The following ACBD6 variants were observed in gnomAD, a reference collection of about 807,000 sequenced individuals.
ACBD6 encodes acyl-CoA binding domain containing 6.
In ACBD6, 28 loss-of-function variants were observed where a neutral mutation model predicts 37.2. The ratio of observed to expected loss-of-function variants is 0.75; its 90% confidence interval spans 0.56 to 1.03. ACBD6 has a LOEUF of 1.03. ACBD6 is among the 50% of genes least tolerant of loss of function. The pLI is 0.00. For missense variants in ACBD6, 340 were observed against 337.4 expected (o/e 1.01, Z -0.06); for synonymous variants, 113 against 126.8 (o/e 0.89, Z 0.73).
chr1:180,314,663 G>T, intron 7 of ACBD6, 29 bp downstream of exon 7: 1 of 1,492,040 alleles, frequency 6.7e-7, no homozygotes, highest in Non-Finnish European at 9.3e-7. Flanking sequence ...GTTCAAATAT[G>T]ATTACTTAAT....
intron 3 of ACBD6, among the ~76,000 whole-genome samples, chr1:180,433,603 T>A (rs1478179055): frequency 6.6e-6 from 1 of 150,446 alleles, no homozygotes; most frequent in Non-Finnish European, 1.5e-5. Context: ...TGTGTGTGTG[T>A]GTGTGTGTGT....
intron 5 of ACBD6, among the ~76,000 whole-genome samples, chr1:180,409,052 G>A (rs1421003680): frequency 6.6e-6 from 1 of 151,932 alleles, no homozygotes; most frequent in African/African-American, 2.4e-5. Context: ...AGCTACCTGG[G>A]GGCTGAGGTG....
chr1:180,332,000 C>A (rs370197806), intron 6 of ACBD6, among the ~76,000 whole-genome samples: 1 of 152,134 alleles, frequency 6.6e-6, no homozygotes, highest in South Asian at 2.1e-4. Context: ...TTAATTGTGT[C>A]TCCCAAAAAT....
At chr1:180,328,032 T>C (rs780684138) in intron 6 of ACBD6, among the ~76,000 whole-genome samples, 26 of 152,218 alleles carry the variant, frequency 1.7e-4, no homozygotes, top group Non-Finnish European at 3.1e-4. Context: ...AATGAGGTGT[T>C]GACGAAAATA....
At position 180,334,195 on chromosome 1, in the gene ACBD6, C is replaced by T. The variant is rs561713832; in HGVS notation, c.664-19473G>A. Among the ~76,000 whole-genome samples, 400 of 152,356 alleles carry T rather than the reference C, an allele frequency of 2.6e-3. 1 individual carries two copies. Among genetic ancestry groups the T allele is most frequent in the Middle Eastern group, 0.01 (3 of 294 alleles). On this transcript the variant is annotated intron_variant, in intron 6 of 7. Coordinates refer to ENST00000367595, the MANE Select transcript of ACBD6 (RefSeq NM_032360.4). ...GTTCTCCCAGCACATAGCTGGAGAT[C>T]TGAGAACAGACAGACTGCCTCCTCA...
Position 180,409,203 on chromosome 1 carries a change from T to C in ACBD6, c.573+4163A>G, listed in dbSNP as rs1647752036. On this transcript the variant is annotated intron_variant, in intron 5 of 7. Transcript: ENST00000367595. ...GAATAAAATGTAAGAAGGATGCAGG[T>C]AAGAGAGAATTTTTTTGTTTATAAG... Among the ~76,000 whole-genome samples, 9 of 152,204 alleles carry C rather than the reference T, an allele frequency of 5.9e-5. No individual in the cohort carries two copies. In the South Asian group the frequency reaches 1.7e-3, roughly 28 times the overall value.
chr1:180,451,985 C>T (rs924535411), intron 3 of ACBD6, among the ~76,000 whole-genome samples: 3 of 152,114 alleles, frequency 2.0e-5, no homozygotes, highest in African/African-American at 7.2e-5. Flanking sequence ...ATCTGAACAA[C>T]CTGCTCCTGA....
chr1:180,364,859 G>A (rs1181947231), intron 6 of ACBD6, among the ~76,000 whole-genome samples: 3 of 150,814 alleles, frequency 2.0e-5, no homozygotes, highest in Non-Finnish European at 4.4e-5. Context: ...TCAGCCTCCC[G>A]AGTAGCTGGG....
At chr1:180,351,093 C>G (rs1375552092) in intron 6 of ACBD6, among the ~76,000 whole-genome samples, 2 of 152,060 alleles carry the variant, frequency 1.3e-5, no homozygotes, top group East Asian at 3.9e-4. Context: ...AGTAACTACT[C>G]TTAACCATAA....
chr1:180,297,186 G>A (rs1055516791), intron 7 of ACBD6, among the ~76,000 whole-genome samples: 16 of 152,126 alleles, frequency 1.1e-4, no homozygotes, highest in Admixed American at 2.6e-4. Context: ...CTCCTTGTGT[G>A]GGTACTTCCA....
At chr1:180,417,794 C>A (rs547651879) in intron 4 of ACBD6, among the ~76,000 whole-genome samples, 12 of 152,254 alleles carry the variant, frequency 7.9e-5, no homozygotes, top group African/African-American at 2.9e-4. Flanking sequence ...TGGAGGTAGT[C>A]TTTCTAGGAT....
At chr1:180,452,853 G>A (rs1027463745) in intron 3 of ACBD6, among the ~76,000 whole-genome samples, 5 of 152,260 alleles carry the variant, frequency 3.3e-5, no homozygotes, top group South Asian at 4.1e-4. Flanking sequence ...ACCCTCCCAA[G>A]ACTAAATCAG....
At chr1:180,332,982 C>T (rs1260580902) in intron 6 of ACBD6, among the ~76,000 whole-genome samples, 1 of 152,176 alleles carries the variant, frequency 6.6e-6, no homozygotes, top group Non-Finnish European at 1.5e-5. Context: ...GTTCTTAAAA[C>T]ATTTTGGTTT....
chr1:180,293,094 C>CT (rs1649779361), intron 7 of ACBD6, among the ~76,000 whole-genome samples: 1 of 152,064 alleles, frequency 6.6e-6, no homozygotes, highest in African/African-American at 2.4e-5. Context: ...ATTTATTAAC[C>CT]TTTTTGTATT....
chr1:180,458,122 T>C (rs1292343922), intron 3 of ACBD6, among the ~76,000 whole-genome samples: 3 of 152,180 alleles, frequency 2.0e-5, no homozygotes, highest in Non-Finnish European at 2.9e-5. Context: ...CCAATGTTGA[T>C]AGTATAATCC....
chr1:180,336,733 T>C (rs1257674764), intron 6 of ACBD6, among the ~76,000 whole-genome samples: 3 of 151,330 alleles, frequency 2.0e-5, no homozygotes, highest in Non-Finnish European at 4.4e-5. Context: ...AGCTGGTTTT[T>C]TGAAAAAAAA....
At chr1:180,407,696 T>C (rs936179063) in intron 5 of ACBD6, among the ~76,000 whole-genome samples, 6 of 152,210 alleles carry the variant, frequency 3.9e-5, no homozygotes, top group Non-Finnish European at 8.8e-5. Context: ...TTATATGGAT[T>C]TGAGCAAGTA....
At chr1:180,300,264 A>G (rs779275561) in intron 7 of ACBD6, among the ~76,000 whole-genome samples, 1 of 152,218 alleles carries the variant, frequency 6.6e-6, no homozygotes, top group Non-Finnish European at 1.5e-5. Flanking sequence ...GTCCTGAAAT[A>G]AAATAAAATC....
At chr1:180,391,893 GAA>G (rs66994364) in intron 6 of ACBD6, among the ~76,000 whole-genome samples, 76,669 of 151,342 alleles carry the variant, frequency 0.51, 21,410 homozygotes, top group South Asian at 0.66. Context: ...GACACTGAAG[GAA>G]AAAAAAGACA....
Sources: gnomAD v4.1 joint callset for allele counts (sites outside exome capture counted in the v4.1 genomes callset) on GRCh38, gnomAD v4.1.1 for gene constraint, MANE v1.5 for transcripts, NCBI Gene and HGNC (gene_info 2026-07-23, HGNC 2026-07-21) for gene names.